PCBP3: variants seen among roughly 807,000 people sequenced by gnomAD.
The protein encoded by PCBP3 is poly(rC) binding protein 3.
Under a neutral mutation model 52.7 loss-of-function variants are expected in PCBP3, and 25 were observed. The observed-to-expected ratio is 0.47, with a 90% CI of 0.35 to 0.66. PCBP3 has a LOEUF of 0.66. Among genes scored for constraint, PCBP3 ranks in the 30% least tolerant of loss-of-function variants. The probability of loss-of-function intolerance (pLI) is 0.01; values close to 1 mark genes in which losing one functional copy is unlikely to be tolerated. For missense variants in PCBP3, 391 were observed against 490.3 expected, an observed-to-expected ratio of 0.80 and a Z score of 1.91; for synonymous variants, 162 against 183.0, an observed-to-expected ratio of 0.89 and a Z score of 0.93.
chr21:45,822,555 G>A (rs887093030), intron 4 of PCBP3, among the ~76,000 whole-genome samples: 2 of 152,038 alleles, frequency 1.3e-5, no homozygotes, highest in African/African-American at 4.8e-5. Context: ...GAGAGCAAGG[G>A]GTGGACCTGG....
chr21:45,860,660 A>G (rs148217217), intron 5 of PCBP3, among the ~76,000 whole-genome samples: 53 of 152,356 alleles, frequency 3.5e-4, no homozygotes, highest in African/African-American at 1.2e-3. Context: ...GGCCAACAGC[A>G]AAGATCGTGC....
chr21:45,937,193 A>G (rs2076976056), intron 16 of PCBP3, among the ~76,000 whole-genome samples: 1 of 152,242 alleles, frequency 6.6e-6, no homozygotes, highest in Non-Finnish European at 1.5e-5. Context: ...ATGCTGCCTC[A>G]GCGTTCCTGC....
Position 45,746,191 on chromosome 21 carries a change from A to G in PCBP3, c.-161-9226A>G, listed in dbSNP as rs28664789. Among the ~76,000 whole-genome samples, 645 of 95,934 alleles carry G rather than the reference A, an allele frequency of 6.7e-3. 45 individuals carry two copies. Among genetic ancestry groups the G allele is most frequent in the Admixed American group, 9.3e-3 (84 of 9,074 alleles). 62.9% of individuals were successfully genotyped at this position (95,934 alleles called of 152,430 possible). On this transcript the variant is annotated intron_variant, in intron 3 of 17. Transcript: ENST00000681687. ...AGCGCCACACGGTGTTGTCAGCATCACCGTGTCAGTCCATTGACGTAGCGC... is the reference window on the plus strand; with the variant it reads ...AGCGCCACACGGTGTTGTCAGCATCGCCGTGTCAGTCCATTGACGTAGCGC...
intron 4 of PCBP3, among the ~76,000 whole-genome samples, chr21:45,778,169 A>G (rs2090387402): frequency 6.6e-6 from 1 of 152,088 alleles, no homozygotes; most frequent in South Asian, 2.1e-4. Context: ...TCTCTGTATG[A>G]TATCTTTGTC....
At chr21:45,651,431 A>T (rs1002212726) in intron 1 of PCBP3, among the ~76,000 whole-genome samples, 2 of 152,226 alleles carry the variant, frequency 1.3e-5, no homozygotes, top group African/African-American at 2.4e-5. Flanking sequence ...ACAAAAGGAT[A>T]TTCAGTGTTT....
At chr21:45,717,067 T>A (rs989732838) in intron 2 of PCBP3, among the ~76,000 whole-genome samples, 1 of 152,172 alleles carries the variant, frequency 6.6e-6, no homozygotes, top group Non-Finnish European at 1.5e-5. Flanking sequence ...CTTGCATTTT[T>A]AAAAAATTAA....
rs1375737138 is a variant in PCBP3 at position 45,917,531 on chromosome 21, G to A, written c.676-57G>A. 1.5e-5 allele frequency: 21 copies of A among 1,423,300 alleles called. No homozygotes were observed. The highest frequency in any genetic ancestry group is 2.0e-5 in the Non-Finnish European group (20 of 1,010,586). The allele number at this position is 1,423,300 out of a possible 1,614,324, so 88.2% of individuals were successfully genotyped here. On this transcript the variant is annotated intron_variant, in intron 12 of 17. Coordinates refer to ENST00000681687, the MANE Select transcript of PCBP3 (RefSeq NM_001384156.1). The surrounding 1 kb of genome is among the most constrained non-coding windows in gnomAD (Gnocchi z 5.3). ...TTGTCATGCTGGAGGGTGGCGGCGG[G>A]TGCTGAGCCGTGGTGCAGCCAGGTT... is the stretch of plus-strand genomic sequence containing the variant.
At chr21:45,882,741 A>G (rs1385523027) in intron 5 of PCBP3, among the ~76,000 whole-genome samples, 3 of 152,186 alleles carry the variant, frequency 2.0e-5, no homozygotes, top group Non-Finnish European at 4.4e-5. Flanking sequence ...TCTTCTGCAC[A>G]GGGACATCCA....
rs377583616 is a variant in PCBP3 at position 45,896,279 on chromosome 21, C to T, written c.82C>T (p.Gln28Ter). The stretch of plus-strand genomic sequence containing the variant: ...CACCTTAAGCCACCACCCTCAGCCA[C>T]AATTTGGCAGAAGGATGGAGTCCAA... ...LSTLSHHPQP[Q>*]FGRRMESKVS... The change falls in exon 6 of 18, where the codon CAA becomes TAA. Residue 28 changes from glutamine (Q) to a stop codon, truncating the protein, a stop_gained. Transcript: ENST00000681687. LOFTEE classifies it high-confidence loss of function. 6 of 1,552,232 alleles carry T rather than the reference C, an allele frequency of 3.9e-6. No individual in the cohort carries two copies. The highest frequency in any genetic ancestry group is 5.2e-6 in the Non-Finnish European group (6 of 1,147,054).
intron 16 of PCBP3, among the ~76,000 whole-genome samples, chr21:45,938,012 GCACCCTGA>G (rs1280054415): frequency 6.6e-6 from 1 of 152,262 alleles, no homozygotes; most frequent in Non-Finnish European, 1.5e-5. Flanking sequence ...GGGGAGATGG[GCACCCTGA>G]GCAGCACATT....
chr21:45,644,274 G>A (rs1045469130), intron 1 of PCBP3, among the ~76,000 whole-genome samples: 15 of 151,708 alleles, frequency 9.9e-5, no homozygotes, highest in Middle Eastern at 3.4e-3. Flanking sequence ...GAGCGGCCGC[G>A]GCGGCTGGAG....
intron 2 of PCBP3, among the ~76,000 whole-genome samples, chr21:45,686,242 A>G (rs2082145900): frequency 6.6e-6 from 1 of 152,164 alleles, no homozygotes; most frequent in South Asian, 2.1e-4. Flanking sequence ...CACATTGCTC[A>G]ACAGAGGTTC....
intron 9 of PCBP3, among the ~76,000 whole-genome samples, chr21:45,907,290 T>A (rs1370826170): frequency 6.6e-6 from 1 of 152,214 alleles, no homozygotes; most frequent in Non-Finnish European, 1.5e-5. Flanking sequence ...CAGTGTGTTC[T>A]GCCAGTGGCT....
At chr21:45,753,125 T>C (rs1231103875) in intron 3 of PCBP3, 1 of 51,900 alleles carries the variant, frequency 1.9e-5, no homozygotes, top group Non-Finnish European at 3.2e-5. Context: ...AGACCCCGTC[T>C]CCAAAAAAAA....
chr21:45,765,539 G>A (rs771548697), intron 4 of PCBP3, among the ~76,000 whole-genome samples: 5 of 152,216 alleles, frequency 3.3e-5, no homozygotes, highest in Admixed American at 2.6e-4. Context: ...CAGGGTGCGC[G>A]CTGCCCCTCC....
At chr21:45,677,115 G>A (rs1178685923) in intron 2 of PCBP3, among the ~76,000 whole-genome samples, 1 of 152,176 alleles carries the variant, frequency 6.6e-6, no homozygotes, top group Non-Finnish European at 1.5e-5. Flanking sequence ...AGTGAGGAAG[G>A]CATGTTGAAA....
At chr21:45,759,575 G>C (rs1022126386) in intron 4 of PCBP3, among the ~76,000 whole-genome samples, 5 of 152,104 alleles carry the variant, frequency 3.3e-5, no homozygotes, top group African/African-American at 1.2e-4. Context: ...GTAATCCACA[G>C]TAGACAGACA....
chr21:45,735,389 C>T lies in PCBP3; in HGVS notation c.-199-3C>T, dbSNP rs919377368. The T allele has an allele frequency of 2.6e-5, 4 of 152,188 alleles. No individual in the cohort carries two copies. The highest frequency in any genetic ancestry group is 1.3e-4 in the Admixed American group (2 of 15,280). The allele number at this position is 152,188 out of a possible 1,614,324, so 9.4% of individuals were successfully genotyped here. ...AATTGTTTTTTCCTTCAACTGTTTA[C>T]AGGACTGTCTACAAGAGAGAAGCTC... On this transcript the variant is annotated splice_polypyrimidine_tract_variant and splice_region_variant and intron_variant, in intron 2 of 17. Coordinates refer to ENST00000681687, the MANE Select transcript of PCBP3 (RefSeq NM_001384156.1). This position sits in a 1 kb window ranked among gnomAD's most constrained non-coding sequence, Gnocchi z 4.0.
At chr21:45,918,831 A>G (rs2776397) in intron 13 of PCBP3, 20,327 of 46,942 alleles carry the variant, frequency 0.43, 5,266 homozygotes, top group African/African-American at 0.76. Flanking sequence ...TCCAGTGCTG[A>G]GGGAAGAAGT....
Sources: allele counts gnomAD v4.1 joint callset (sites outside exome capture counted in the v4.1 genomes callset), GRCh38; gene constraint gnomAD v4.1.1; non-coding constraint Gnocchi (gnomAD v3.1); transcripts MANE v1.5; gene names NCBI Gene and HGNC (gene_info 2026-07-23, HGNC 2026-07-21).